Variants in PIP4K2A observed in about 807,000 individuals in gnomAD.
PIP4K2A encodes the protein phosphatidylinositol 5-phosphate 4-kinase type-2 alpha.
A neutral mutation model predicts 42.9 loss-of-function variants in PIP4K2A; 14 were observed. That is an observed-to-expected ratio of 0.33 (90% CI 0.22 to 0.51). PIP4K2A has a LOEUF of 0.51. PIP4K2A is among the 20% of genes least tolerant of loss of function. PIP4K2A has a pLI of 0.97. For missense variants in PIP4K2A, 434 were observed against 519.8 expected (o/e 0.83, Z 1.61); for synonymous variants, 192 against 192.2 (o/e 1.00, Z 0.01).
chr10:22,628,283 G>A (rs981467102), intron 1 of PIP4K2A, among the ~76,000 whole-genome samples: 1 of 152,248 alleles, frequency 6.6e-6, no homozygotes, highest in Admixed American at 6.5e-5. Context: ...TTTTGAAGAA[G>A]TTGTTTGTTT....
chr10:22,678,566 A>G (rs188386767), intron 1 of PIP4K2A, among the ~76,000 whole-genome samples: 2 of 152,330 alleles, frequency 1.3e-5, no homozygotes, highest in Admixed American at 6.5e-5. Context: ...CAGAATGTGA[A>G]GGCAACCCAG....
At position 22,601,130 on chromosome 10, in the gene PIP4K2A, C is replaced by CAAAA. The variant is rs1188396077; in HGVS notation, c.339+6793_339+6796dup. Among the ~76,000 whole-genome samples, 280 of 31,900 alleles carry CAAAA rather than the reference C, an allele frequency of 8.8e-3. 50 individuals carry two copies. The highest frequency in any genetic ancestry group is 0.015 in the Non-Finnish European group (175 of 11,400). 20.9% of individuals were successfully genotyped at this position (31,900 alleles called of 152,430 possible). A position where few individuals can be genotyped will look rare whatever the true frequency, so the allele number is the denominator to read the frequency against. On this transcript the variant is annotated intron_variant, in intron 3 of 9. Coordinates refer to ENST00000376573, the MANE Select transcript of PIP4K2A (RefSeq NM_005028.5). ...CCTGGGCAACAGAGCGAGACTGTCT[C>CAAAA]AAAAAAAAAAAAAAAAAAAAAAAAA...
intron 1 of PIP4K2A, among the ~76,000 whole-genome samples, chr10:22,635,548 G>A (rs915710833): frequency 2.0e-5 from 3 of 152,344 alleles, no homozygotes; most frequent in South Asian, 2.1e-4. Flanking sequence ...GACCCTGAAG[G>A]AGGGAAAACA....
At chr10:22,649,520 C>A (rs1778346) in intron 1 of PIP4K2A, among the ~76,000 whole-genome samples, 1 of 152,012 alleles carries the variant, frequency 6.6e-6, no homozygotes, top group Non-Finnish European at 1.5e-5. Flanking sequence ...GGGGCCAAGA[C>A]CAGGAGAAGA....
At chr10:22,541,742 G>A in intron 8 of PIP4K2A, 62 bp downstream of exon 8, 1 of 1,489,288 alleles carries the variant, frequency 6.7e-7, no homozygotes, top group East Asian at 2.4e-5. Context: ...CTTACTGGTA[G>A]ATAACAAGGC....
rs577589061 is a variant in PIP4K2A at position 22,599,877 on chromosome 10, C to T, written c.339+8050G>A. On this transcript the variant is annotated intron_variant, in intron 3 of 9. Coordinates refer to ENST00000376573, the MANE Select transcript of PIP4K2A (RefSeq NM_005028.5). ...ATAGATGAAGCTCCCTCTGTAATGC[C>T]TTTTTACATTTATAACTGGAAATTT... is the stretch of plus-strand genomic sequence containing the variant. 5.1e-4 allele frequency among the ~76,000 whole-genome samples: 78 copies of T among 152,264 alleles called. 1 individual carries two copies. Among genetic ancestry groups the T allele is most frequent in the Middle Eastern group, 6.8e-3 (2 of 294 alleles).
chr10:22,627,812 A>G (rs957551198), intron 1 of PIP4K2A, among the ~76,000 whole-genome samples: 6 of 152,074 alleles, frequency 3.9e-5, no homozygotes, highest in Admixed American at 6.5e-5. Context: ...TCTTATGTAA[A>G]GACAGTCTAG....
rs369570043 is a variant in PIP4K2A, at chr10:22,701,027, T to TA, written c.144+13155dup. Reference sequence around the variant, plus strand: ...ATACCCTTTATGCTTTTCTATGCATTACTCTGCCTGTAACATGTTTTCTCC... The same window carrying TA: ...ATACCCTTTATGCTTTTCTATGCATTAACTCTGCCTGTAACATGTTTTCTCC... On this transcript the variant is annotated intron_variant, in intron 1 of 9. Transcript: ENST00000376573. 1.2e-3 allele frequency among the ~76,000 whole-genome samples: 184 copies of TA among 152,324 alleles called. 1 individual carries two copies. The highest frequency in any genetic ancestry group is 4.1e-3 in the African/African-American group (169 of 41,570).
At chr10:22,628,162 C>T (rs985400526) in intron 1 of PIP4K2A, among the ~76,000 whole-genome samples, 1 of 152,100 alleles carries the variant, frequency 6.6e-6, no homozygotes, top group Non-Finnish European at 1.5e-5. Context: ...TACCAAGTTA[C>T]CAAAGTTTAG....
chr10:22,686,915 C>A (rs1839775561), intron 1 of PIP4K2A, among the ~76,000 whole-genome samples: 1 of 152,116 alleles, frequency 6.6e-6, no homozygotes, highest in Non-Finnish European at 1.5e-5. Context: ...GCATTTAGGG[C>A]CGTCTGTTAT....
chr10:22,584,103 A>T (rs1837338234), intron 4 of PIP4K2A, among the ~76,000 whole-genome samples: 1 of 152,234 alleles, frequency 6.6e-6, no homozygotes, highest in Admixed American at 6.5e-5. Flanking sequence ...ACTGTGTGTG[A>T]GAGTTGGCAG....
chr10:22,639,107 G>A (rs1420348218), intron 1 of PIP4K2A, among the ~76,000 whole-genome samples: 1 of 152,068 alleles, frequency 6.6e-6, no homozygotes, highest in Non-Finnish European at 1.5e-5. Flanking sequence ...GTTAGGAAAT[G>A]GGACAGAAAG....
At chr10:22,602,770 C>T (rs145478783) in intron 3 of PIP4K2A, among the ~76,000 whole-genome samples, 220 of 152,182 alleles carry the variant, frequency 1.4e-3, no homozygotes, top group African/African-American at 5.1e-3. Flanking sequence ...AGGCTGGTCT[C>T]GAACTCCTGG....
chr10:22,685,412 G>C (rs1323391374), intron 1 of PIP4K2A, among the ~76,000 whole-genome samples: 1 of 152,102 alleles, frequency 6.6e-6, no homozygotes, highest in South Asian at 2.1e-4. Flanking sequence ...AAAGTGAAAA[G>C]GGTTGGGCAC....
At chr10:22,572,178 A>G (rs1340496321) in intron 5 of PIP4K2A, among the ~76,000 whole-genome samples, 2 of 152,228 alleles carry the variant, frequency 1.3e-5, no homozygotes, top group Non-Finnish European at 2.9e-5. Flanking sequence ...CTTTTCTGCA[A>G]ACAGTCAGTG....
At position 22,541,852 on chromosome 10, in the gene PIP4K2A, C is replaced by A. The variant is rs747197519; in HGVS notation, c.988G>T (p.Gly330Trp). Residue 330 changes from glycine to tryptophan, a missense_variant, in exon 8 of 10, where the codon GGG (glycine) becomes TGG (tryptophan). Physicochemically the swap from Gly to Trp is radical, Grantham distance 184. This residue lies in a region of PIP4K2A where 395 missense variants were observed against 444.5 expected (regional missense o/e 0.89). Coordinates refer to ENST00000376573, the MANE Select transcript of PIP4K2A (RefSeq NM_005028.5). ...TLNSSPPLAP[G>W]EFDPNIDVYG... ...ACGTCGATGTTCGGATCGAACTCCC[C>A]GGGAGCCAGGGGTGGTGAGCTGTTC... The A allele has an allele frequency of 1.4e-5, 23 of 1,598,272 alleles. No homozygotes were observed. The highest frequency in any genetic ancestry group is 1.2e-5 in the Non-Finnish European group (14 of 1,172,768).
At chr10:22,574,981 G>A (rs1837075931) in intron 4 of PIP4K2A, among the ~76,000 whole-genome samples, 1 of 152,032 alleles carries the variant, frequency 6.6e-6, no homozygotes, top group Non-Finnish European at 1.5e-5. Context: ...GAGAACGTAG[G>A]TTTGCGAGCC....
chr10:22,692,958 G>A (rs543440837), intron 1 of PIP4K2A, among the ~76,000 whole-genome samples: 4 of 152,306 alleles, frequency 2.6e-5, no homozygotes, highest in East Asian at 1.9e-4. Context: ...GGAGAAAGCC[G>A]TACCTCTGGG....
intron 6 of PIP4K2A, 129 bp downstream of exon 6, chr10:22,567,722 T>C (rs1270762474): frequency 1.2e-6 from 1 of 818,282 alleles, no homozygotes; most frequent in African/African-American, 1.7e-5. Flanking sequence ...TTCTCGCTGG[T>C]GGCAGCAGAA....
Sources: allele counts gnomAD v4.1 joint callset (sites outside exome capture counted in the v4.1 genomes callset), GRCh38; gene constraint gnomAD v4.1.1; regional missense constraint gnomAD v4.1.1; transcripts MANE v1.5; gene names NCBI Gene and HGNC (gene_info 2026-07-23, HGNC 2026-07-21).